Variants in TMEM50B observed in about 807,000 individuals in gnomAD.
TMEM50B encodes the protein transmembrane protein 50B, also known as HCV p7-trans-regulated protein 3.
In TMEM50B, 14 loss-of-function variants were observed where a neutral mutation model predicts 23.4. The observed-to-expected ratio is 0.60, with a 90% CI of 0.39 to 0.93. The LOEUF (loss-of-function observed/expected upper bound fraction) is 0.93, where lower values mean the gene tolerates loss of function less well. TMEM50B is among the 40% of genes least tolerant of loss of function. The pLI is 0.00. For synonymous variants in TMEM50B, 64 were observed against 62.3 expected (o/e 1.03, Z -0.13); for missense variants, 159 against 193.0 (o/e 0.82, Z 1.04).
rs550976719 is a variant in TMEM50B, at chr21:33,436,680, C to T, written c.*2120+2534G>A. 4.9e-6 allele frequency: 3 copies of T among 613,592 alleles called. No homozygotes were observed. The South Asian group carries it at 6.3e-5, about 13-fold the overall frequency. The allele number at this position is 613,592 out of a possible 1,614,324, so 38.0% of individuals were successfully genotyped here. On this transcript the variant is annotated intron_variant and NMD_transcript_variant, in intron 8 of 8. Coordinates refer to the TMEM50B transcript ENST00000420455. ...GAGGTTGCAGTGAGCTGAGATCACA[C>T]CACTATACTCCAGCCTAGGCAAGAG...
intron 7 of TMEM50B, among the ~76,000 whole-genome samples, chr21:33,444,106 G>A (rs2084031932): frequency 6.6e-6 from 1 of 152,074 alleles, no homozygotes; most frequent in Non-Finnish European, 1.5e-5. Context: ...TCACCATGTT[G>A]GCCAAGCTGG....
At chr21:33,432,965 A>G (rs2083905147) in intron 8 of TMEM50B, 3 of 1,040,770 alleles carry the variant, frequency 2.9e-6, no homozygotes, top group Non-Finnish European at 4.3e-6. Flanking sequence ...TGCTCACTGC[A>G]GCCTCCATCT....
intron 8 of TMEM50B, among the ~76,000 whole-genome samples, chr21:33,433,511 T>G (rs1439834408): frequency 6.6e-6 from 1 of 152,154 alleles, no homozygotes; most frequent in African/African-American, 2.4e-5. Flanking sequence ...AGTAGGGCAG[T>G]CACAAAAGGA....
rs572615778 is a variant in TMEM50B, at chr21:33,457,575, C to T, written c.374-1791G>A. ...CTGAGGCAGGAGAATCGCTTGAACC[C>T]GGGAGGCAGAGGTTGCAGTGAGCCG... On this transcript the variant is annotated intron_variant, in intron 5 of 6. Coordinates refer to ENST00000542230, the MANE Select transcript of TMEM50B (RefSeq NM_006134.7). 5.3e-5 allele frequency among the ~76,000 whole-genome samples: 8 copies of T among 151,020 alleles called. No individual in the cohort carries two copies. The East Asian group carries it at 9.7e-4, about 18-fold the overall frequency.
rs546811884 is a variant in TMEM50B, at chr21:33,438,595, C to T, written c.*2120+619G>A. Among the ~76,000 whole-genome samples the T allele has an allele frequency of 5.3e-4, 80 of 151,558 alleles. No individual in the cohort carries two copies. The South Asian group carries it at 7.9e-3, about 15-fold the overall frequency. ...GGCAGATCACCTGAGGTCAGGAGTT[C>T]GAGACCAGCCTGGCCAACATGGTGA... On this transcript the variant is annotated intron_variant and NMD_transcript_variant, in intron 8 of 8. Coordinates refer to the TMEM50B transcript ENST00000420455.
intron 1 of TMEM50B, among the ~76,000 whole-genome samples, chr21:33,472,439 G>C (rs530403198): frequency 2.5e-4 from 38 of 152,008 alleles, no homozygotes; most frequent in Non-Finnish European, 5.0e-4. Context: ...AGATACAGTA[G>C]AAGAAAAGGA....
intron 1 of TMEM50B, among the ~76,000 whole-genome samples, 184 bp downstream of exon 1, chr21:33,479,654 G>C (rs1319329672): frequency 6.6e-6 from 1 of 152,168 alleles, no homozygotes; most frequent in Non-Finnish European, 1.5e-5. Flanking sequence ...AAGGGGCGGC[G>C]GGGGCTCCGC....
chr21:33,478,340 G>A (rs2084393161), intron 1 of TMEM50B, among the ~76,000 whole-genome samples: 1 of 151,784 alleles, frequency 6.6e-6, no homozygotes, highest in Non-Finnish European at 1.5e-5. Flanking sequence ...GGTGGCAGGC[G>A]CCTGTGATCC....
intron 5 of TMEM50B, chr21:33,456,045 A>G: frequency 1.5e-6 from 1 of 662,628 alleles, no homozygotes; most frequent in South Asian, 1.5e-5. Flanking sequence ...TTCTAGCTAC[A>G]TCAAAACTGC....
chr21:33,460,243 C>T lies in TMEM50B; in HGVS notation c.373+170G>A, dbSNP rs556827428. 1.8e-4 allele frequency: 110 copies of T among 605,684 alleles called. No homozygotes were observed. In the African/African-American group the frequency reaches 1.8e-3, roughly 10 times the overall value. 37.5% of individuals were successfully genotyped at this position (605,684 alleles called of 1,614,324 possible). A position where few individuals can be genotyped will look rare whatever the true frequency, so the allele number is the denominator to read the frequency against. On this transcript the variant is annotated intron_variant, in intron 5 of 6. Coordinates refer to ENST00000542230, the MANE Select transcript of TMEM50B (RefSeq NM_006134.7). ...TTTCCTAACCAGGGCTATCCTACTG[C>T]ACTAAGTGTTCCCACTGACAAGTTT...
At chr21:33,446,852 TAAGC>T (rs2084064271), downstream of TMEM50B, among the ~76,000 whole-genome samples, 1 of 95,276 alleles carries the variant, frequency 1.0e-5, no homozygotes, top group African/African-American at 4.3e-5. Flanking sequence ...TAAAAAAGAC[TAAGC>T]AAGAAGGCGG....
rs576440193 is a variant in TMEM50B, at chr21:33,466,542, G to A, written c.212+468C>T. 2.0e-5 allele frequency among the ~76,000 whole-genome samples: 3 copies of A among 151,862 alleles called. No individual in the cohort carries two copies. In the East Asian group the frequency reaches 5.8e-4, roughly 29 times the overall value. Reference sequence around the variant, plus strand: ...AAGTTGAGTGTACTACAACACCTACGGGTGATTTACTACTAAAAAAATGCA... The same window carrying A: ...AAGTTGAGTGTACTACAACACCTACAGGTGATTTACTACTAAAAAAATGCA... On this transcript the variant is annotated intron_variant, in intron 3 of 6. Transcript: ENST00000542230.
At chr21:33,462,422 G>A (rs971783301) in intron 4 of TMEM50B, among the ~76,000 whole-genome samples, 3 of 152,258 alleles carry the variant, frequency 2.0e-5, no homozygotes, top group African/African-American at 7.2e-5. Flanking sequence ...AAAACGACGG[G>A]CTTGGGAACC....
chr21:33,473,662 A>AAAG (rs1350341567), intron 1 of TMEM50B, among the ~76,000 whole-genome samples: 6 of 151,788 alleles, frequency 4.0e-5, no homozygotes, highest in Non-Finnish European at 7.4e-5. Context: ...CTCAAAAAAA[A>AAAG]AAAAAAACAA....
intron 5 of TMEM50B, among the ~76,000 whole-genome samples, chr21:33,458,995 A>C (rs2084193644): frequency 6.6e-6 from 1 of 152,210 alleles, no homozygotes; most frequent in Non-Finnish European, 1.5e-5. Context: ...AAATGATACT[A>C]TCAAAAGTAT....
At chr21:33,476,585 C>T (rs2084373180) in intron 1 of TMEM50B, among the ~76,000 whole-genome samples, 1 of 151,260 alleles carries the variant, frequency 6.6e-6, no homozygotes. Context: ...AACGATGAAA[C>T]CCCGTCTCTA....
intron 8 of TMEM50B, among the ~76,000 whole-genome samples, chr21:33,433,884 T>TGCTGTCTGGA (rs1294606110): frequency 6.6e-6 from 1 of 152,106 alleles, no homozygotes; most frequent in Non-Finnish European, 1.5e-5. Context: ...AGGTCTCCTC[T>TGCTGTCTGGA]GCTGTCTGGA....
intron 3 of TMEM50B, 146 bp downstream of exon 3, chr21:33,466,863 AT>A: frequency 1.7e-6 from 1 of 585,186 alleles, no homozygotes; most frequent in Non-Finnish European, 2.9e-6. Context: ...GTTAAAAAAA[AT>A]CGTAATAAAA....
intron 5 of TMEM50B, 162 bp downstream of exon 5, chr21:33,460,251 G>A: frequency 1.6e-6 from 1 of 621,020 alleles, no homozygotes; most frequent in Non-Finnish European, 2.9e-6. Flanking sequence ...TGCACTAAGT[G>A]TTCCCACTGA....
Sources: allele counts gnomAD v4.1 joint callset (sites outside exome capture counted in the v4.1 genomes callset), GRCh38; gene constraint gnomAD v4.1.1; transcripts MANE v1.5; gene names NCBI Gene and HGNC (gene_info 2026-07-23, HGNC 2026-07-21).